The following ZNF704 variants were observed in gnomAD, a reference collection of about 807,000 sequenced individuals.
ZNF704 encodes zinc finger protein 704.
ZNF704 carries 10 observed loss-of-function variants against 44.7 expected under a neutral mutation model. That is an observed-to-expected ratio of 0.22 (90% CI 0.14 to 0.38). The LOEUF is 0.38. Among genes scored for constraint, ZNF704 ranks in the 10% least tolerant of loss-of-function variants. ZNF704 has a pLI of 1.00. For missense variants in ZNF704, 390 were observed against 545.5 expected (o/e 0.71, Z 2.84); for synonymous variants, 211 against 207.6 (o/e 1.02, Z -0.14).
chr8:80,802,310 A>T (rs1452322770), intron 2 of ZNF704, among the ~76,000 whole-genome samples: 4 of 152,074 alleles, frequency 2.6e-5, no homozygotes, highest in Non-Finnish European at 1.5e-5. Flanking sequence ...ACTGAAAAGG[A>T]GGGACTCCTC....
chr8:80,757,873 C>T (rs1215888935), intron 2 of ZNF704, among the ~76,000 whole-genome samples: 1 of 152,198 alleles, frequency 6.6e-6, no homozygotes, highest in Non-Finnish European at 1.5e-5. Context: ...ATAGTAGCCT[C>T]TACCATCAAG....
At chr8:80,812,628 T>C (rs1808107727) in intron 2 of ZNF704, 1 of 152,384 alleles carries the variant, frequency 6.6e-6, no homozygotes. Flanking sequence ...TTTAGTTATT[T>C]TTCCTCAGCA....
chr8:80,850,937 T>C (rs375029482), intron 1 of ZNF704, among the ~76,000 whole-genome samples: 1 of 152,220 alleles, frequency 6.6e-6, no homozygotes, highest in Admixed American at 6.5e-5. Context: ...GCTATCACAG[T>C]TGCACATTGC....
intron 4 of ZNF704, among the ~76,000 whole-genome samples, chr8:80,682,145 CAG>C (rs1357146073): frequency 6.6e-6 from 1 of 152,180 alleles, no homozygotes; most frequent in Non-Finnish European, 1.5e-5. Context: ...ATTAAGTCAG[CAG>C]AGAGACTGGC....
At chr8:80,797,000 G>GAAGGAAGCAAGC (rs371845079) in intron 2 of ZNF704, among the ~76,000 whole-genome samples, 6 of 148,062 alleles carry the variant, frequency 4.1e-5, no homozygotes, top group African/African-American at 1.5e-4. Flanking sequence ...AGGAAGGAAG[G>GAAGGAAGCAAGC]AAGCAAGCAA....
chr8:80,727,683 C>G (rs981430681), intron 2 of ZNF704, among the ~76,000 whole-genome samples: 3 of 152,058 alleles, frequency 2.0e-5, no homozygotes, highest in African/African-American at 7.2e-5. Flanking sequence ...TCATGAGACC[C>G]CGCCCCGATG....
intron 2 of ZNF704, among the ~76,000 whole-genome samples, chr8:80,750,419 G>T (rs1806921163): frequency 6.6e-6 from 1 of 150,954 alleles, no homozygotes; most frequent in African/African-American, 2.4e-5. Context: ...TATGCAATAT[G>T]TTATTTCAAT....
intron 2 of ZNF704, among the ~76,000 whole-genome samples, chr8:80,762,360 G>A (rs1318711176): frequency 1.3e-5 from 2 of 152,160 alleles, no homozygotes; most frequent in African/African-American, 4.8e-5. Flanking sequence ...CCACATGACT[G>A]GGGAGGCCTC....
At position 80,633,657 on chromosome 8, in the gene ZNF704, C is replaced by A. The variant is rs1342617853; in HGVS notation, c.*7709G>T. ...AGGTTCAAGACTACTCTGGGTTGGCCTTGGAGGTGGGTAATGTTGATTTTA... is the reference window on the plus strand; with the variant it reads ...AGGTTCAAGACTACTCTGGGTTGGCATTGGAGGTGGGTAATGTTGATTTTA... On this transcript the variant is annotated 3_prime_UTR_variant, in exon 9 of 9. Transcript: ENST00000327835. 1.3e-5 allele frequency: 2 copies of A among 152,136 alleles called. No homozygotes were observed. Among genetic ancestry groups the A allele is most frequent in the East Asian group, 3.8e-4 (2 of 5,198 alleles). The allele number at this position is 152,136 out of a possible 1,614,324, so 9.4% of individuals were successfully genotyped here.
chr8:80,690,546 C>G (rs1203550403), intron 3 of ZNF704, among the ~76,000 whole-genome samples: 2 of 152,150 alleles, frequency 1.3e-5, no homozygotes, highest in African/African-American at 4.8e-5. Flanking sequence ...AGGCGTGTTA[C>G]CATACCTGAC....
chr8:80,642,998 T>C (rs1285091353), intron 8 of ZNF704, 37 bp downstream of exon 8: 6 of 1,383,618 alleles, frequency 4.3e-6, no homozygotes, highest in Non-Finnish European at 5.9e-6. Flanking sequence ...TTAATTCCCT[T>C]GTGGTGAGGT....
intron 2 of ZNF704, among the ~76,000 whole-genome samples, chr8:80,798,413 G>A (rs1020733172): frequency 5.3e-5 from 8 of 152,046 alleles, no homozygotes; most frequent in Non-Finnish European, 1.0e-4. Flanking sequence ...TAGCCACCAC[G>A]CCCAGCTAAT....
intron 2 of ZNF704, among the ~76,000 whole-genome samples, chr8:80,700,110 T>C (rs1313610880): frequency 6.6e-6 from 1 of 152,228 alleles, no homozygotes; most frequent in African/African-American, 2.4e-5. Context: ...ATTTCAGGCA[T>C]TGACCTTCCT....
intron 2 of ZNF704, among the ~76,000 whole-genome samples, chr8:80,816,942 C>G (rs927078422): frequency 6.6e-6 from 1 of 152,182 alleles, no homozygotes; most frequent in African/African-American, 2.4e-5. Context: ...GACTCTCCTA[C>G]AGTAAAGATT....
intron 1 of ZNF704, among the ~76,000 whole-genome samples, chr8:80,840,023 T>A (rs1021614305): frequency 6.6e-6 from 1 of 152,250 alleles, no homozygotes; most frequent in Non-Finnish European, 1.5e-5. Context: ...TGCTCAGTTT[T>A]GAATCCCAGG....
chr8:80,840,628 T>C (rs1808662155), intron 1 of ZNF704, among the ~76,000 whole-genome samples: 1 of 152,166 alleles, frequency 6.6e-6, no homozygotes, highest in South Asian at 2.1e-4. Flanking sequence ...CTCTGCTCTA[T>C]TCCCCGTCAG....
rs1291346234 is a variant in ZNF704, at chr8:80,854,794, GTACT to G, written c.-22+19773_-22+19776del. Among the ~76,000 whole-genome samples, 9 of 152,240 alleles carry G rather than the reference GTACT, an allele frequency of 5.9e-5. 1 individual carries two copies. The East Asian group carries it at 1.7e-3, about 29-fold the overall frequency. On this transcript the variant is annotated intron_variant, in intron 1 of 8. Coordinates refer to ENST00000327835, the MANE Select transcript of ZNF704 (RefSeq NM_001033723.3). ...AAATGAAAACTGTAATATGCATTCT[GTACT>G]TTCACTACCCTTGCAGTTGTCATTT...
At chr8:80,786,258 G>C (rs1248517233) in intron 2 of ZNF704, among the ~76,000 whole-genome samples, 1 of 151,736 alleles carries the variant, frequency 6.6e-6, no homozygotes, top group Non-Finnish European at 1.5e-5. Flanking sequence ...GCAGGACCCT[G>C]TCTTAAATAA....
intron 2 of ZNF704, among the ~76,000 whole-genome samples, chr8:80,804,155 G>T (rs1433066998): frequency 6.6e-6 from 1 of 152,042 alleles, no homozygotes; most frequent in Non-Finnish European, 1.5e-5. Flanking sequence ...ATTCAGAATG[G>T]CTATTAAAAA....
Sources: allele counts gnomAD v4.1 joint callset (sites outside exome capture counted in the v4.1 genomes callset), GRCh38; gene constraint gnomAD v4.1.1; transcripts MANE v1.5; gene names NCBI Gene and HGNC (gene_info 2026-07-23, HGNC 2026-07-21).